Variants in SUMF1 observed in about 807,000 individuals in gnomAD.
SUMF1 encodes the protein sulfatase modifying factor 1.
In SUMF1, 48 loss-of-function variants were observed where a neutral mutation model predicts 47.6. That is an observed-to-expected ratio of 1.01 (90% CI 0.80 to 1.28). The LOEUF (loss-of-function observed/expected upper bound fraction) is 1.28. Ranked by LOEUF, SUMF1 falls within the 50% of genes most tolerant of loss-of-function variation. The probability of loss-of-function intolerance (pLI) is 0.00; values close to 1 mark genes in which losing one functional copy is unlikely to be tolerated. For missense variants in SUMF1, 571 were observed against 485.4 expected (o/e 1.18, Z -1.66); for synonymous variants, 230 against 192.1 (o/e 1.20, Z -1.63).
At chr3:4,349,903 GTATTCCTA>G (rs890144613) in intron 8 of SUMF1, among the ~76,000 whole-genome samples, 3 of 151,440 alleles carry the variant, frequency 2.0e-5, no homozygotes, top group Admixed American at 6.6e-5. Flanking sequence ...CACGGCACAT[GTATTCCTA>G]TGTAACAAAC....
chr3:4,241,756 G>T (rs926551102), intron 8 of SUMF1, among the ~76,000 whole-genome samples: 24 of 152,156 alleles, frequency 1.6e-4, no homozygotes, highest in African/African-American at 5.8e-4. Flanking sequence ...AGGAGCAGCA[G>T]TTTAATAGGC....
intron 8 of SUMF1, among the ~76,000 whole-genome samples, chr3:4,069,328 T>C (rs368454656): frequency 2.5e-4 from 38 of 152,328 alleles, no homozygotes; most frequent in African/African-American, 8.4e-4. Context: ...TTCGAGGTCA[T>C]GTGTGACTTG....
intron 8 of SUMF1, among the ~76,000 whole-genome samples, chr3:4,334,617 A>C (rs1048794537): frequency 1.3e-5 from 2 of 152,248 alleles, no homozygotes; most frequent in East Asian, 3.8e-4. Flanking sequence ...CTTCCCAAGG[A>C]AAGGGAATGG....
intron 8 of SUMF1, among the ~76,000 whole-genome samples, chr3:4,364,569 T>C (rs1254165914): frequency 6.6e-4 from 100 of 151,608 alleles, no homozygotes; most frequent in African/African-American, 2.2e-3. Flanking sequence ...TCGGTGGTGA[T>C]ATCCCCTTTA....
intron 8 of SUMF1, among the ~76,000 whole-genome samples, chr3:4,191,368 T>G (rs1174703233): frequency 1.3e-5 from 2 of 151,940 alleles, no homozygotes; most frequent in African/African-American, 4.8e-5. Context: ...AGGAAGAAAT[T>G]TAGGCAAAGT....
chr3:4,320,810 C>A (rs1413621631), intron 8 of SUMF1, among the ~76,000 whole-genome samples: 1 of 152,114 alleles, frequency 6.6e-6, no homozygotes, highest in Admixed American at 6.6e-5. Flanking sequence ...GAAGAACTTC[C>A]CTCAGTCAGA....
intron 8 of SUMF1, among the ~76,000 whole-genome samples, chr3:4,131,108 G>C (rs574641998): frequency 6.6e-6 from 1 of 152,232 alleles, no homozygotes; most frequent in Non-Finnish European, 1.5e-5. Context: ...CTGAACATTT[G>C]ACTATGCGTC....
intron 8 of SUMF1, among the ~76,000 whole-genome samples, chr3:4,202,588 G>A: frequency 6.6e-6 from 1 of 151,876 alleles, no homozygotes; most frequent in East Asian, 1.9e-4. Context: ...TGGCTATTTT[G>A]GGTCTTTTGT....
At chr3:4,416,825 C>A (rs1234323535) in intron 6 of SUMF1, among the ~76,000 whole-genome samples, 2 of 152,172 alleles carry the variant, frequency 1.3e-5, no homozygotes. Flanking sequence ...GGAAGAAATG[C>A]ACCAATATGC....
At chr3:4,225,070 A>C (rs901293515) in intron 8 of SUMF1, among the ~76,000 whole-genome samples, 7 of 152,058 alleles carry the variant, frequency 4.6e-5, no homozygotes, top group Non-Finnish European at 1.0e-4. Flanking sequence ...CCATGTACCA[A>C]ATTAATTACA....
chr3:4,325,943 T>A (rs1041573258), intron 8 of SUMF1, among the ~76,000 whole-genome samples: 1 of 152,140 alleles, frequency 6.6e-6, no homozygotes, highest in African/African-American at 2.4e-5. Flanking sequence ...TGCCTCAGCC[T>A]CCAAAGTAGC....
At chr3:4,038,861 A>C (rs1190156798) in intron 9 of SUMF1, among the ~76,000 whole-genome samples, 3 of 152,204 alleles carry the variant, frequency 2.0e-5, no homozygotes, top group African/African-American at 2.4e-5. Flanking sequence ...AATGCAAATC[A>C]AAAGAGTTCA....
chr3:4,112,046 T>C (rs1209925031), intron 8 of SUMF1, among the ~76,000 whole-genome samples: 1 of 152,138 alleles, frequency 6.6e-6, no homozygotes, highest in Non-Finnish European at 1.5e-5. Flanking sequence ...TCTAAGAAGA[T>C]ATATGTGATT....
intron 8 of SUMF1, among the ~76,000 whole-genome samples, chr3:4,074,334 A>C (rs1352136610): frequency 1.3e-5 from 2 of 152,194 alleles, no homozygotes; most frequent in Admixed American, 6.5e-5. Flanking sequence ...TGACACATTT[A>C]AAGCAGTGTG....
intron 8 of SUMF1, among the ~76,000 whole-genome samples, chr3:4,362,897 G>A (rs1041677952): frequency 1.3e-5 from 2 of 151,866 alleles, no homozygotes; most frequent in African/African-American, 4.8e-5. Context: ...CTGGGTGACA[G>A]AGCAAGATCT....
rs1448678093 is a variant in SUMF1, at chr3:4,417,193, T to G, written c.775A>C (p.Asn259His). Reference protein sequence around the residue: ...KLQPKGQHYANIWQGEFPVTN... With the variant: ...KLQPKGQHYAHIWQGEFPVTN... Reference sequence around the variant, plus strand: ...ACCGGAAACTCGCCCTGCCAAATGTTGGCATAATGCTGGCCTTTGGGCTGC... The same window carrying G: ...ACCGGAAACTCGCCCTGCCAAATGTGGGCATAATGCTGGCCTTTGGGCTGC... The change falls in exon 6 of 9, where the codon AAC (asparagine) becomes CAC (histidine). Residue 259 changes from asparagine (N) to histidine (H), a missense_variant. By Grantham distance (68) the Asn-to-His change is moderately conservative. Coordinates refer to ENST00000272902, the MANE Select transcript of SUMF1 (RefSeq NM_182760.4). 2 of 1,613,992 alleles carry G rather than the reference T, an allele frequency of 1.2e-6. No individual in the cohort carries two copies. Among genetic ancestry groups the G allele is most frequent in the East Asian group, 2.2e-5 (1 of 44,878 alleles).
chr3:4,412,000 G>T (rs971762661), intron 6 of SUMF1, among the ~76,000 whole-genome samples: 1 of 152,134 alleles, frequency 6.6e-6, no homozygotes, highest in Non-Finnish European at 1.5e-5. Context: ...CATGAATATG[G>T]AAGCATCTGA....
intron 8 of SUMF1, among the ~76,000 whole-genome samples, chr3:4,275,629 T>C (rs1219908898): frequency 6.6e-6 from 1 of 152,192 alleles, no homozygotes; most frequent in Non-Finnish European, 1.5e-5. Context: ...ATTCAGGACC[T>C]ATCTGCTGTA....
intron 8 of SUMF1, among the ~76,000 whole-genome samples, chr3:4,095,068 A>C (rs1692872549): frequency 1.3e-5 from 2 of 152,180 alleles, no homozygotes; most frequent in Non-Finnish European, 2.9e-5. Flanking sequence ...CTAAATAGAA[A>C]TAGGATAATT....
Sources: allele counts gnomAD v4.1 joint callset (sites outside exome capture counted in the v4.1 genomes callset), GRCh38; gene constraint gnomAD v4.1.1; transcripts MANE v1.5; gene names NCBI Gene and HGNC (gene_info 2026-07-23, HGNC 2026-07-21).